CDK12: variants seen among roughly 807,000 people sequenced by gnomAD.
CDK12 encodes the protein cyclin dependent kinase 12, also known as cyclin-dependent kinase 12.
Under a neutral mutation model 133.8 loss-of-function variants are expected in CDK12, and 17 were observed. That is an observed-to-expected ratio of 0.13 (90% CI 0.09 to 0.19). The LOEUF is 0.19. CDK12 is among the 10% of genes least tolerant of loss of function. CDK12 has a pLI of 1.00. For missense variants in CDK12, 1,508 were observed against 1,818.7 expected (o/e 0.83, Z 3.11); for synonymous variants, 694 against 683.6 (o/e 1.02, Z -0.24).
At chr17:39,473,024 C>T (rs1597939975) in intron 2 of CDK12, among the ~76,000 whole-genome samples, 2 of 151,396 alleles carry the variant, frequency 1.3e-5, no homozygotes, top group Non-Finnish European at 2.9e-5. Flanking sequence ...TGCAGTAAGT[C>T]GAAATCGCGC....
chr17:39,529,907 A>G (rs920231732), intron 13 of CDK12: 10 of 152,220 alleles, frequency 6.6e-5, no homozygotes, highest in African/African-American at 2.4e-4. Flanking sequence ...TTAGGAAAAC[A>G]AAATAGAAAA....
At chr17:39,463,850 G>A (rs1325059074) in intron 1 of CDK12, among the ~76,000 whole-genome samples, 1 of 151,866 alleles carries the variant, frequency 6.6e-6, no homozygotes, top group Admixed American at 6.6e-5. Context: ...AGAAAGGCAT[G>A]CTAGTTTGAA....
At chr17:39,464,691 A>G (rs1240741990) in intron 1 of CDK12, among the ~76,000 whole-genome samples, 1 of 152,022 alleles carries the variant, frequency 6.6e-6, no homozygotes, top group Non-Finnish European at 1.5e-5. Context: ...CAGCACAGAA[A>G]GGTTGTAGTG....
At position 39,492,902 on chromosome 17, in the gene CDK12, C is replaced by A. The variant is rs1446125815; in HGVS notation, c.2248+12C>A. The A allele has an allele frequency of 4.4e-6, 7 of 1,586,602 alleles. No homozygotes were observed. Among genetic ancestry groups the A allele is most frequent in the Middle Eastern group, 1.7e-4 (1 of 5,964 alleles). The stretch of plus-strand genomic sequence containing the variant: ...GGACAAAGACACAGGTAAATATTGC[C>A]ACAAAATTTTAGATGTCAGAATGTT... On this transcript the variant is annotated intron_variant, in intron 4 of 13. Transcript: ENST00000447079.
chr17:39,497,396 C>A (rs917599614), intron 5 of CDK12, among the ~76,000 whole-genome samples: 22 of 151,868 alleles, frequency 1.4e-4, no homozygotes, highest in African/African-American at 5.1e-4. Flanking sequence ...TGCGAAAATT[C>A]GCTGGGCATG....
At position 39,531,049 on chromosome 17, in the gene CDK12, C is replaced by T. The variant is rs775781841; in HGVS notation, c.4206C>T (p.Asp1402=). The change falls in exon 14 of 14, where the codon GAC becomes GAT. Residue 1402 remains aspartate (D), a synonymous_variant. Coordinates refer to ENST00000447079, the MANE Select transcript of CDK12 (RefSeq NM_016507.4). ...TGSVQFPGDQ[D]LRFARVPLAL... is the part of the protein sequence containing the mutation. Reference sequence around the variant, plus strand: ...CAGTGCAGTTTCCAGGGGACCAGGACCTCCGTTTTGCCAGGGTCCCCTTAG... The same window carrying T: ...CAGTGCAGTTTCCAGGGGACCAGGATCTCCGTTTTGCCAGGGTCCCCTTAG... The T allele has an allele frequency of 6.2e-7, 1 of 1,613,452 alleles. No homozygotes were observed. Among genetic ancestry groups the T allele is most frequent in the Admixed American group, 1.7e-5 (1 of 59,828 alleles).
At position 39,463,276 on chromosome 17, in the gene CDK12, A is replaced by T. The variant is rs900542158; in HGVS notation, c.1046+159A>T. ...CAGTGTGTGAATCTGTCTCCCCTTAACCCAGAATTCGAGAAGTGAAGAGTA... is the reference window on the plus strand; with the variant it reads ...CAGTGTGTGAATCTGTCTCCCCTTATCCCAGAATTCGAGAAGTGAAGAGTA... On this transcript the variant is annotated intron_variant, in intron 1 of 13. Coordinates refer to ENST00000447079, the MANE Select transcript of CDK12 (RefSeq NM_016507.4). Among the ~76,000 whole-genome samples, 4 of 152,080 alleles carry T rather than the reference A, an allele frequency of 2.6e-5. No individual in the cohort carries two copies. In the East Asian group the frequency reaches 7.7e-4, roughly 29 times the overall value.
upstream of CDK12, chr17:39,546,187 C>CT (rs935672311): frequency 3.9e-3 from 574 of 148,178 alleles, 4 homozygotes; most frequent in African/African-American, 0.012. Context: ...CCAATTTTTT[C>CT]TTTTTTTTTT....
At chr17:39,484,216 C>T (rs185231459) in intron 2 of CDK12, among the ~76,000 whole-genome samples, 135 of 152,198 alleles carry the variant, frequency 8.9e-4, no homozygotes, top group African/African-American at 3.0e-3. Context: ...GTTCAGATTC[C>T]AAAATACTAT....
chr17:39,466,963 C>G (rs539481667), intron 1 of CDK12, among the ~76,000 whole-genome samples: 1 of 151,630 alleles, frequency 6.6e-6, no homozygotes, highest in Non-Finnish European at 1.5e-5. Context: ...AAATAAGCAA[C>G]ATTTTATTTT....
At chr17:39,545,802 CT>C (rs200712801), upstream of CDK12, among the ~76,000 whole-genome samples, 74 of 141,284 alleles carry the variant, frequency 5.2e-4, no homozygotes, top group East Asian at 8.2e-4. Context: ...TCCTTCCTTC[CT>C]TTTTTTTTTT....
chr17:39,498,021 T>G (rs542190652), intron 5 of CDK12, among the ~76,000 whole-genome samples: 115 of 138,304 alleles, frequency 8.3e-4, no homozygotes, highest in African/African-American at 2.3e-3. Flanking sequence ...CTTTTTTTTT[T>G]GGGACAGAGT....
chr17:39,490,473 G>T, intron 2 of CDK12, 84 bp from the exon 3 acceptor site: 10 of 860,966 alleles, frequency 1.2e-5, no homozygotes, highest in South Asian at 7.2e-5. Context: ...TAACCTTTTC[G>T]TAACCAGGCA....
At chr17:39,483,694 A>G (rs972368349) in intron 2 of CDK12, among the ~76,000 whole-genome samples, 2 of 97,710 alleles carry the variant, frequency 2.0e-5, no homozygotes, top group Non-Finnish European at 3.9e-5. Flanking sequence ...GTTACAATTT[A>G]TTTATTTATT....
At position 39,471,244 on chromosome 17, in the gene CDK12, A is replaced by T; in HGVS notation, c.1412A>T (p.Glu471Val). The T allele has an allele frequency of 1.9e-6, 3 of 1,608,772 alleles. No individual in the cohort carries two copies. Among genetic ancestry groups the T allele is most frequent in the South Asian group, 2.2e-5 (2 of 90,226 alleles). Reference protein sequence around the residue: ...ELVNVTHLNTEVKNSSDTGKV... With the variant: ...ELVNVTHLNTVVKNSSDTGKV... ...GTGAATGTAACACATCTAAACACAG[A>T]GGTAAAAAATTCTTCAGATACAGGG... The change falls in exon 2 of 14, where the codon GAG becomes GTG. Residue 471 changes from glutamate (E) to valine (V), a missense_variant. Glu to Val is a moderately radical substitution (Grantham distance 121). Coordinates refer to ENST00000447079, the MANE Select transcript of CDK12 (RefSeq NM_016507.4).
At chr17:39,519,917 G>A (rs1196367850) in intron 10 of CDK12, 39 bp from the exon 11 acceptor site, 1 of 1,612,286 alleles carries the variant, frequency 6.2e-7, no homozygotes, top group Admixed American at 1.7e-5. Flanking sequence ...GAACTGTAGG[G>A]TCATTGTGAA....
At chr17:39,492,029 AAAGAT>A (rs1294989652) in intron 3 of CDK12, among the ~76,000 whole-genome samples, 1 of 150,984 alleles carries the variant, frequency 6.6e-6, no homozygotes, top group Non-Finnish European at 1.5e-5. Flanking sequence ...AAAAAAAAAA[AAAGAT>A]ACAGGAGTTA....
At chr17:39,519,112 A>G (rs1313392666) in intron 10 of CDK12, among the ~76,000 whole-genome samples, 1 of 151,882 alleles carries the variant, frequency 6.6e-6, no homozygotes, top group African/African-American at 2.4e-5. Flanking sequence ...CATGTTAGCC[A>G]GGCTGGTCTC....
At chr17:39,499,508 CTCTT>C (rs972328040) in intron 5 of CDK12, among the ~76,000 whole-genome samples, 1 of 147,162 alleles carries the variant, frequency 6.8e-6, no homozygotes, top group African/African-American at 2.6e-5. Flanking sequence ...CGCGCCCAGC[CTCTT>C]TTTTTTTTTT....
Sources: gnomAD v4.1 joint callset for allele counts (sites outside exome capture counted in the v4.1 genomes callset) on GRCh38, gnomAD v4.1.1 for gene constraint, MANE v1.5 for transcripts, NCBI Gene and HGNC (gene_info 2026-07-23, HGNC 2026-07-21) for gene names.